GABRG2: variants seen among roughly 807,000 people sequenced by gnomAD.
GABRG2 encodes the protein gamma-aminobutyric acid type A receptor subunit gamma2.
Under a neutral mutation model 56.4 loss-of-function variants are expected in GABRG2, and 16 were observed. That is an observed-to-expected ratio of 0.28 (90% CI 0.19 to 0.43). The LOEUF is 0.43. GABRG2 is among the 20% of genes least tolerant of loss of function. The pLI is 1.00. For missense variants in GABRG2, 327 were observed against 582.7 expected, an observed-to-expected ratio of 0.56 and a Z score of 4.52; for synonymous variants, 208 against 205.5, an observed-to-expected ratio of 1.01 and a Z score of -0.10.
At chr5:162,090,245 AACACATACACAT>A (rs1023267119) in intron 1 of GABRG2, among the ~76,000 whole-genome samples, 7 of 152,040 alleles carry the variant, frequency 4.6e-5, no homozygotes, top group Admixed American at 2.6e-4. Context: ...AACCCATCCC[AACACATACACAT>A]ACACGTACAC....
intron 1 of GABRG2, among the ~76,000 whole-genome samples, chr5:162,077,501 G>A (rs1759229560): frequency 6.6e-6 from 1 of 152,154 alleles, no homozygotes. Flanking sequence ...TTGATGAAAT[G>A]TCTAGGATGT....
chr5:162,150,290 T>C (rs866008139), intron 8 of GABRG2: 1 of 152,206 alleles, frequency 6.6e-6, no homozygotes, highest in African/African-American at 2.4e-5. Flanking sequence ...ACTCTACACA[T>C]GAATGTACTT....
chr5:162,067,896 T>TG lies in GABRG2; in HGVS notation c.-98dup. ...CAGTGAAGGACCTACTAGAGGCAGGTGGGGGGAGCCACCATCAGATCATAA... is the reference window on the plus strand; with the variant it reads ...CAGTGAAGGACCTACTAGAGGCAGGTGGGGGGGAGCCACCATCAGATCATAA... On this transcript the variant is annotated 5_prime_UTR_variant, in exon 1 of 10. Coordinates refer to ENST00000639213, the MANE Select transcript of GABRG2 (RefSeq NM_198904.4). 7.6e-6 allele frequency: 6 copies of TG among 790,256 alleles called. No homozygotes were observed. Among genetic ancestry groups the TG allele is most frequent in the African/African-American group, 1.7e-5 (1 of 57,814 alleles). 49.0% of individuals were successfully genotyped at this position (790,256 alleles called of 1,614,324 possible).
chr5:162,140,490 A>G (rs1468645414), intron 6 of GABRG2, among the ~76,000 whole-genome samples: 1 of 152,136 alleles, frequency 6.6e-6, no homozygotes, highest in Admixed American at 6.5e-5. Flanking sequence ...GAGTAGTAAT[A>G]ACTCACCCCG....
Position 162,103,884 on chromosome 5 carries a change from G to T in GABRG2, c.632-5G>T. 1 of 1,613,782 alleles carries T rather than the reference G, an allele frequency of 6.2e-7. No individual in the cohort carries two copies. The highest frequency in any genetic ancestry group is 1.3e-5 in the African/African-American group (1 of 74,990). On this transcript the variant is annotated splice_polypyrimidine_tract_variant and splice_region_variant and intron_variant, in intron 5 of 9. Coordinates refer to ENST00000639213, the MANE Select transcript of GABRG2 (RefSeq NM_198904.4). The stretch of plus-strand genomic sequence containing the variant: ...TTTAATGTGAGCTTTCCTATCTCAC[G>T]GCAGATGGCTATCCACGTGAAGAAA...
chr5:162,092,795 G>A (rs1760702018), intron 1 of GABRG2, among the ~76,000 whole-genome samples: 2 of 152,156 alleles, frequency 1.3e-5, no homozygotes, highest in South Asian at 2.1e-4. Flanking sequence ...GGGCAGGGGT[G>A]GGAAATGTTA....
At chr5:162,118,286 A>G (rs944845318) in intron 6 of GABRG2, among the ~76,000 whole-genome samples, 5 of 151,668 alleles carry the variant, frequency 3.3e-5, no homozygotes, top group African/African-American at 1.2e-4. Context: ...ACTCATGCCA[A>G]TTATATACTG....
At chr5:162,091,347 T>G (rs1473711438) in intron 1 of GABRG2, among the ~76,000 whole-genome samples, 1 of 152,038 alleles carries the variant, frequency 6.6e-6, no homozygotes, top group African/African-American at 2.4e-5. Context: ...TAATTAATAA[T>G]ATAATAATTG....
intron 8 of GABRG2, 30 bp from the exon 9 acceptor site, chr5:162,151,700 C>T: frequency 6.3e-7 from 1 of 1,577,830 alleles, no homozygotes; most frequent in Non-Finnish European, 8.6e-7. Flanking sequence ...AAAACAAATG[C>T]AATTCTCTTT....
chr5:162,118,382 T>C (rs1418314869), intron 6 of GABRG2, among the ~76,000 whole-genome samples: 4 of 152,116 alleles, frequency 2.6e-5, no homozygotes, highest in Admixed American at 6.6e-5. Flanking sequence ...GTTTTCTTTT[T>C]ATAGAAACAA....
chr5:162,101,238 G>A lies in GABRG2; in HGVS notation c.552G>A (p.Leu184=), dbSNP rs758574181. 2 of 1,599,704 alleles carry A rather than the reference G, an allele frequency of 1.3e-6. No homozygotes were observed. The highest frequency in any genetic ancestry group is 4.5e-5 in the East Asian group (2 of 44,662). ...NDGRVLYTLR[L]TIDAECQLQL... Reference sequence around the variant, plus strand: ...TGTTTAATATCTTTCTACTTAGGTTGACAATTGATGCTGAGTGCCAATTAC... The same window carrying A: ...TGTTTAATATCTTTCTACTTAGGTTAACAATTGATGCTGAGTGCCAATTAC... The change falls in exon 5 of 10, where the codon TTG becomes TTA. Residue 184 remains leucine (L), a synonymous_variant. Transcript: ENST00000639213.
chr5:162,143,421 T>C (rs1764730534), intron 7 of GABRG2, among the ~76,000 whole-genome samples: 1 of 152,218 alleles, frequency 6.6e-6, no homozygotes, highest in Non-Finnish European at 1.5e-5. Flanking sequence ...ATGGTGATCT[T>C]TGTCTTGAAT....
chr5:162,141,758 C>T (rs747061020), intron 6 of GABRG2, among the ~76,000 whole-genome samples: 9 of 152,028 alleles, frequency 5.9e-5, no homozygotes, highest in Admixed American at 2.0e-4. Context: ...AAGATTTTGT[C>T]CTAAGAAATG....
At chr5:162,132,462 AG>A (rs1158435292) in intron 6 of GABRG2, among the ~76,000 whole-genome samples, 1 of 152,000 alleles carries the variant, frequency 6.6e-6, no homozygotes, top group Non-Finnish European at 1.5e-5. Flanking sequence ...TTTCTATGTC[AG>A]AAGGGCAAAA....
chr5:162,091,909 G>C (rs1321843713), intron 1 of GABRG2, among the ~76,000 whole-genome samples: 2 of 152,180 alleles, frequency 1.3e-5, no homozygotes, highest in East Asian at 1.9e-4. Flanking sequence ...TCTTGAGAGA[G>C]AAAGAGAAAG....
intron 6 of GABRG2, 140 bp downstream of exon 6, chr5:162,104,166 A>G: frequency 1.3e-6 from 1 of 787,960 alleles, no homozygotes; most frequent in Non-Finnish European, 2.1e-6. Context: ...TCTAGAGAAA[A>G]TTATAATTGA....
At chr5:162,072,230 A>C (rs1164174321) in intron 1 of GABRG2, among the ~76,000 whole-genome samples, 1 of 151,966 alleles carries the variant, frequency 6.6e-6, no homozygotes, top group East Asian at 1.9e-4. Flanking sequence ...CTAATTTTAG[A>C]TACTGTATCT....
chr5:162,086,063 C>A (rs764612847), intron 1 of GABRG2, among the ~76,000 whole-genome samples: 1 of 151,590 alleles, frequency 6.6e-6, no homozygotes, highest in Non-Finnish European at 1.5e-5. Flanking sequence ...TGCTTTGTTT[C>A]ATTATGGTCT....
chr5:162,107,582 A>G (rs888661807), intron 6 of GABRG2, among the ~76,000 whole-genome samples: 6 of 152,160 alleles, frequency 3.9e-5, no homozygotes, highest in East Asian at 1.9e-4. Context: ...TTACTACTTT[A>G]TTTGTACTAC....
Sources: gnomAD v4.1 joint callset for allele counts (sites outside exome capture counted in the v4.1 genomes callset) on GRCh38, gnomAD v4.1.1 for gene constraint, MANE v1.5 for transcripts, NCBI Gene and HGNC (gene_info 2026-07-23, HGNC 2026-07-21) for gene names.